The following SHCBP1 variants were observed in gnomAD, a reference collection of about 807,000 sequenced individuals.
SHCBP1 encodes SHC binding and spindle associated 1.
A neutral mutation model predicts 75.1 loss-of-function variants in SHCBP1; 60 were observed. The ratio of observed to expected loss-of-function variants is 0.80; its 90% confidence interval spans 0.65 to 0.99. The LOEUF is 0.99. Ranked by LOEUF, SHCBP1 falls within the 50% of genes least tolerant of loss-of-function variation. SHCBP1 has a pLI of 0.00. For missense variants in SHCBP1, 709 were observed against 809.4 expected (o/e 0.88, Z 1.50); for synonymous variants, 290 against 293.2 (o/e 0.99, Z 0.11).
At chr16:46,599,235 C>T (rs1965190383) in intron 9 of SHCBP1, among the ~76,000 whole-genome samples, 1 of 152,194 alleles carries the variant, frequency 6.6e-6, no homozygotes. Flanking sequence ...CCTATCTCAG[C>T]TTTCGACATG....
chr16:46,603,942 A>C, intron 7 of SHCBP1, 33 bp downstream of exon 7: 1 of 1,574,614 alleles, frequency 6.4e-7, no homozygotes, highest in Non-Finnish European at 8.6e-7. Flanking sequence ...AGAAGGAAAA[A>C]AAGCCACCTG....
intron 5 of SHCBP1, among the ~76,000 whole-genome samples, chr16:46,605,499 G>A (rs1294613676): frequency 6.6e-6 from 1 of 152,050 alleles, no homozygotes; most frequent in Admixed American, 6.6e-5. Context: ...GAGGTGGGAG[G>A]ATGGCTTGAG....
chr16:46,593,224 T>C lies in SHCBP1; in HGVS notation c.1464+2328A>G, dbSNP rs1454180465. ...TCTCTATATAGAAAATCCCAAGGAA[T>C]CTACAAAAACATTCCTATAAGTGTG... On this transcript the variant is annotated intron_variant, in intron 10 of 12. Coordinates refer to ENST00000303383, the MANE Select transcript of SHCBP1 (RefSeq NM_024745.5). Among the ~76,000 whole-genome samples, 4 of 151,984 alleles carry C rather than the reference T, an allele frequency of 2.6e-5. No individual in the cohort carries two copies. The East Asian group carries it at 7.7e-4, about 29-fold the overall frequency.
chr16:46,608,173 C>A, intron 5 of SHCBP1, 124 bp downstream of exon 5: 1 of 617,774 alleles, frequency 1.6e-6, no homozygotes, highest in Non-Finnish European at 2.8e-6. Flanking sequence ...GAAAGAAAAT[C>A]AGAGAGAGAG....
chr16:46,617,652 C>T lies in SHCBP1; in HGVS notation c.369G>A (p.Val123=). ...SGWRAVWHTN[V]FKVLVEITDV... Reference sequence around the variant, plus strand: ...ACCTTACCTCAACCAGCACCTTGAACACATTAGTGTGCCAGACTGCCCGCC... The same window carrying T: ...ACCTTACCTCAACCAGCACCTTGAATACATTAGTGTGCCAGACTGCCCGCC... Residue 123 remains valine (V), a synonymous_variant, in exon 3 of 13, where the codon GTG becomes GTA. Coordinates refer to ENST00000303383, the MANE Select transcript of SHCBP1 (RefSeq NM_024745.5). 12 of 1,613,960 alleles carry T rather than the reference C, an allele frequency of 7.4e-6. No homozygotes were observed. The highest frequency in any genetic ancestry group is 1.0e-5 in the Non-Finnish European group (12 of 1,179,994).
intron 10 of SHCBP1, among the ~76,000 whole-genome samples, chr16:46,592,965 A>AAAAAAAAAAAAAAAAG: frequency 6.9e-6 from 1 of 144,766 alleles, no homozygotes; most frequent in African/African-American, 2.6e-5. Flanking sequence ...AAAAAAAAAA[A>AAAAAAAAAAAAAAAAG]AAAAAAAAAA....
At chr16:46,582,694 C>T (rs936123221) in intron 12 of SHCBP1, among the ~76,000 whole-genome samples, 3 of 152,144 alleles carry the variant, frequency 2.0e-5, no homozygotes, top group Non-Finnish European at 4.4e-5. Context: ...GATATGAATG[C>T]GTTTGGAGAC....
At position 46,581,999 on chromosome 16, in the gene SHCBP1, C is replaced by T; in HGVS notation, c.1749G>A (p.Val583=). ...TSGEPDVAER[V]DLEELIECAT... Reference sequence around the variant, plus strand: ...CACACTCAATCAGCTCTTCTAGATCCACTCTTTCAGCCACATCTGGCTCTC... The same window carrying T: ...CACACTCAATCAGCTCTTCTAGATCTACTCTTTCAGCCACATCTGGCTCTC... Residue 583 remains valine, a synonymous_variant, in exon 13 of 13, where the codon GTG becomes GTA. Transcript: ENST00000303383. 1.9e-6 allele frequency: 3 copies of T among 1,614,152 alleles called. No individual in the cohort carries two copies. Among genetic ancestry groups the T allele is most frequent in the Non-Finnish European group, 2.5e-6 (3 of 1,180,024 alleles).
Position 46,584,031 on chromosome 16 carries a change from T to C in SHCBP1, c.1523A>G (p.His508Arg), listed in dbSNP as rs367554354. The C allele has an allele frequency of 5.9e-5, 95 of 1,607,414 alleles. No homozygotes were observed. Among genetic ancestry groups the C allele is most frequent in the Non-Finnish European group, 7.5e-5 (88 of 1,176,588 alleles). ...SQCTLSDNGIHHCKEGILIKD... is the reference protein window; with the variant it reads ...SQCTLSDNGIRHCKEGILIKD... ...AATGAGGATCCCTTCCTTGCAGTGA[T>C]GGATCCCATTGTCACTCAGGGTGCA... Residue 508 changes from histidine to arginine, a missense_variant, in exon 11 of 13, where the codon CAT becomes CGT. By Grantham distance (29) the His-to-Arg change is conservative (BLOSUM62 0). Coordinates refer to ENST00000303383, the MANE Select transcript of SHCBP1 (RefSeq NM_024745.5).
intron 10 of SHCBP1, among the ~76,000 whole-genome samples, chr16:46,586,323 T>C (rs1190485187): frequency 6.6e-6 from 1 of 151,818 alleles, no homozygotes; most frequent in East Asian, 1.9e-4. Flanking sequence ...ATAACTGAAA[T>C]AGAAAGCTCA....
At chr16:46,586,518 G>C (rs1388871257) in intron 10 of SHCBP1, among the ~76,000 whole-genome samples, 1 of 152,152 alleles carries the variant, frequency 6.6e-6, no homozygotes, top group Non-Finnish European at 1.5e-5. Flanking sequence ...TGGAAAGAAA[G>C]AGGGTGAGGC....
chr16:46,596,612 T>C (rs1965147541), intron 9 of SHCBP1, among the ~76,000 whole-genome samples: 1 of 151,828 alleles, frequency 6.6e-6, no homozygotes. Flanking sequence ...GAGACAGGGT[T>C]TCATCATGTT....
intron 12 of SHCBP1, among the ~76,000 whole-genome samples, chr16:46,582,486 G>A (rs1028187810): frequency 2.0e-5 from 3 of 152,208 alleles, no homozygotes; most frequent in African/African-American, 7.2e-5. Flanking sequence ...GGTTGCTAAA[G>A]AGGAAGTCAG....
Position 46,600,705 on chromosome 16 carries a change from T to C in SHCBP1, c.1214-743A>G, listed in dbSNP as rs192034669. Among the ~76,000 whole-genome samples, 5 of 152,280 alleles carry C rather than the reference T, an allele frequency of 3.3e-5. No homozygotes were observed. The East Asian group carries it at 9.6e-4, about 29-fold the overall frequency. The stretch of plus-strand genomic sequence containing the variant: ...TACAGGAAAAAAACAGTCTACCTCA[T>C]TAACAAATAAAAAGCATCAGATCAA... On this transcript the variant is annotated intron_variant, in intron 8 of 12. Coordinates refer to ENST00000303383, the MANE Select transcript of SHCBP1 (RefSeq NM_024745.5).
chr16:46,621,242 G>A lies in SHCBP1; in HGVS notation c.103+15C>T. 1 of 1,600,918 alleles carries A rather than the reference G, an allele frequency of 6.2e-7. No homozygotes were observed. Among genetic ancestry groups the A allele is most frequent in the Non-Finnish European group, 8.5e-7 (1 of 1,174,344 alleles). On this transcript the variant is annotated intron_variant, in intron 1 of 12. Transcript: ENST00000303383. ...GCTCAGAGGCGGCTCCTCGGCCCCG[G>A]CATGGAGAGCTCACCTTTCTCCAGA...
rs145071178 is a variant in SHCBP1, at chr16:46,609,926, C to T, written c.597-1537G>A. Among the ~76,000 whole-genome samples, 65 of 151,778 alleles carry T rather than the reference C, an allele frequency of 4.3e-4. No individual in the cohort carries two copies. The East Asian group carries it at 5.9e-3, about 14-fold the overall frequency. On this transcript the variant is annotated intron_variant, in intron 4 of 12. Coordinates refer to ENST00000303383, the MANE Select transcript of SHCBP1 (RefSeq NM_024745.5). ...CTCTGCCTCACCCAGGCACCCTCTGCTCTCCTCCCCCACCATCTTGATATT... is the reference window on the plus strand; with the variant it reads ...CTCTGCCTCACCCAGGCACCCTCTGTTCTCCTCCCCCACCATCTTGATATT...
At chr16:46,586,303 G>GA (rs978733387) in intron 10 of SHCBP1, among the ~76,000 whole-genome samples, 128 of 152,232 alleles carry the variant, frequency 8.4e-4, no homozygotes, top group African/African-American at 3.0e-3. Flanking sequence ...TTTTAGAATT[G>GA]AAAAATACAA....
At chr16:46,606,948 G>A (rs1008449237) in intron 5 of SHCBP1, among the ~76,000 whole-genome samples, 1 of 151,918 alleles carries the variant, frequency 6.6e-6, no homozygotes, top group Admixed American at 6.6e-5. Context: ...AGCCTCCCCA[G>A]CAGCTGGGAC....
chr16:46,621,281 G>A lies in SHCBP1; in HGVS notation c.79C>T (p.Gln27Ter). ...APERMGWAVE[Q>*]ELASLEKGLF... ...CCTTTCTCCAGAGACGCCAGCTCCTGCTCCACCGCCCAGCCCATGCGCTCC... is the reference window on the plus strand; with the variant it reads ...CCTTTCTCCAGAGACGCCAGCTCCTACTCCACCGCCCAGCCCATGCGCTCC... Residue 27 changes from glutamine (Q) to a stop codon, truncating the protein, a stop_gained, in exon 1 of 13, where the codon CAG (glutamine) becomes TAG (stop). Transcript: ENST00000303383. LOFTEE classifies it high-confidence loss of function. 1 of 1,610,134 alleles carries A rather than the reference G, an allele frequency of 6.2e-7. No homozygotes were observed. The highest frequency in any genetic ancestry group is 1.1e-5 in the South Asian group (1 of 90,980).
Sources: allele counts gnomAD v4.1 joint callset (sites outside exome capture counted in the v4.1 genomes callset), GRCh38; gene constraint gnomAD v4.1.1; transcripts MANE v1.5; gene names NCBI Gene and HGNC (gene_info 2026-07-23, HGNC 2026-07-21).